The following FAM13B variants were observed in gnomAD, a reference collection of about 807,000 sequenced individuals.
The protein encoded by FAM13B is protein FAM13B.
Under a neutral mutation model 117.3 loss-of-function variants are expected in FAM13B, and 60 were observed. The ratio of observed to expected loss-of-function variants is 0.51; its 90% CI spans 0.42 to 0.63. FAM13B has a LOEUF of 0.63. Among genes scored for constraint, FAM13B ranks in the 30% least tolerant of loss-of-function variants. FAM13B has a pLI of 0.00. For synonymous variants in FAM13B, 332 were observed against 356.1 expected, an observed-to-expected ratio of 0.93 and a Z score of 0.76; for missense variants, 972 against 1,091.9, an observed-to-expected ratio of 0.89 and a Z score of 1.55.
intron 16 of FAM13B, 125 bp downstream of exon 16, chr5:137,953,211 C>T: frequency 9.7e-7 from 1 of 1,031,570 alleles, no homozygotes. Context: ...TACATGATCA[C>T]TGTTCCTCCG....
chr5:138,005,266 C>T (rs905898572), intron 7 of FAM13B, among the ~76,000 whole-genome samples: 1 of 152,058 alleles, frequency 6.6e-6, no homozygotes, highest in Non-Finnish European at 1.5e-5. Context: ...AATTAATTAA[C>T]AAAATTTAAA....
At chr5:137,953,901 A>G (rs76873180) in intron 15 of FAM13B, among the ~76,000 whole-genome samples, 1,802 of 152,316 alleles carry the variant, frequency 0.012, 29 homozygotes, top group South Asian at 0.067. Flanking sequence ...CCACGAGAAA[A>G]TGTCTATTTG....
At chr5:137,942,318 G>A (rs965150856) in intron 22 of FAM13B, 4 of 408,574 alleles carry the variant, frequency 9.8e-6, no homozygotes, top group South Asian at 9.6e-5. Flanking sequence ...AGATCAACTC[G>A]CAACTAGTTC....
intron 11 of FAM13B, among the ~76,000 whole-genome samples, chr5:137,960,624 T>A (rs1245862848): frequency 6.6e-6 from 1 of 152,192 alleles, no homozygotes; most frequent in Non-Finnish European, 1.5e-5. Context: ...GAAAACTTTT[T>A]AAAAAGGTAT....
rs964580801 is a variant in FAM13B, at chr5:138,032,961, C to A, written c.-382G>T. ...GGCGCGGGGCCAGCCCGGTAAGCGA[C>A]CCCCCGGATACCCCCGGCGGTGGTG... On this transcript the variant is annotated 5_prime_UTR_variant, in exon 1 of 24. Coordinates refer to ENST00000689681, the MANE Select transcript of FAM13B (RefSeq NM_001385994.1). The A allele has an allele frequency of 1.1e-5, 11 of 986,170 alleles. No homozygotes were observed. In the Admixed American group the frequency reaches 2.5e-4, roughly 22 times the overall value. 61.1% of individuals were successfully genotyped at this position (986,170 alleles called of 1,614,324 possible).
chr5:137,954,187 G>T lies in FAM13B; in HGVS notation c.1697C>A (p.Ser566Tyr), dbSNP rs1324602761. ...LHDPEKLDSS[S>Y]KALSFTRIRR... ...ATACCTAGTAAAAGACAGTGCTTTA[G>T]ATGAGGAATCCAACTTTTCTGGATC... is the stretch of plus-strand genomic sequence containing the variant. Residue 566 changes from serine to tyrosine, a missense_variant, in exon 15 of 24, where the codon TCT becomes TAT. Coordinates refer to ENST00000689681, the MANE Select transcript of FAM13B (RefSeq NM_001385994.1). 1 of 1,613,744 alleles carries T rather than the reference G, an allele frequency of 6.2e-7. No individual in the cohort carries two copies. The highest frequency in any genetic ancestry group is 1.7e-5 in the Admixed American group (1 of 59,984).
intron 22 of FAM13B, 61 bp from the exon 23 acceptor site, chr5:137,942,106 G>T (rs1762025277): frequency 1.4e-6 from 2 of 1,392,170 alleles, no homozygotes; most frequent in African/African-American, 1.4e-5. Context: ...CTTAAGAGAG[G>T]TTCTATTTCT....
intron 17 of FAM13B, 143 bp from the exon 18 acceptor site, chr5:137,949,327 A>C (rs1190738078): frequency 1.6e-5 from 11 of 684,566 alleles, no homozygotes; most frequent in Non-Finnish European, 2.7e-5. Context: ...AACATTTAAG[A>C]AGCAAAAAAC....
intron 17 of FAM13B, among the ~76,000 whole-genome samples, chr5:137,951,860 C>T (rs1561739280): frequency 6.6e-6 from 1 of 151,702 alleles, no homozygotes; most frequent in Non-Finnish European, 1.5e-5. Flanking sequence ...ACCTGTAATC[C>T]CAGCTACTCG....
intron 12 of FAM13B, 36 bp from the exon 13 acceptor site, chr5:137,959,799 C>T (rs370883495): frequency 3.7e-5 from 59 of 1,602,278 alleles, no homozygotes; most frequent in Admixed American, 1.0e-4. Context: ...TTCACAACTA[C>T]GGAAGCTTTT....
At chr5:137,962,291 G>A (rs1484621964) in intron 11 of FAM13B, 114 bp downstream of exon 11, 2 of 798,994 alleles carry the variant, frequency 2.5e-6, no homozygotes, top group Non-Finnish European at 4.0e-6. Flanking sequence ...GGCTGTTTAA[G>A]ATTATCTAAA....
chr5:137,940,475 A>C (rs1253057509), intron 23 of FAM13B, 127 bp from the exon 24 acceptor site: 1 of 658,598 alleles, frequency 1.5e-6, no homozygotes, highest in Non-Finnish European at 2.5e-6. Flanking sequence ...CTGTTAAAAA[A>C]AAAAAAAAAG....
intron 7 of FAM13B, among the ~76,000 whole-genome samples, chr5:137,990,060 G>C (rs1778227939): frequency 6.6e-6 from 1 of 152,052 alleles, no homozygotes; most frequent in African/African-American, 2.4e-5. Context: ...ACATGAACTA[G>C]GATATTAAAT....
chr5:137,996,518 G>A (rs1018195344), intron 7 of FAM13B, among the ~76,000 whole-genome samples: 2 of 151,924 alleles, frequency 1.3e-5, no homozygotes, highest in African/African-American at 2.4e-5. Context: ...ATCTAAAATT[G>A]AACCATCAGA....
intron 1 of FAM13B, among the ~76,000 whole-genome samples, chr5:138,022,012 G>A (rs1786855436): frequency 6.6e-6 from 1 of 151,856 alleles, no homozygotes; most frequent in Non-Finnish European, 1.5e-5. Flanking sequence ...TACTTGGAAG[G>A]CTGAGGCAGG....
Position 137,940,108 on chromosome 5 carries a change from C to T in FAM13B, c.*117G>A. 1 of 1,614,086 alleles carries T rather than the reference C, an allele frequency of 6.2e-7. No individual in the cohort carries two copies. Among genetic ancestry groups the T allele is most frequent in the Non-Finnish European group, 8.5e-7 (1 of 1,179,982 alleles). ...TGTTTAGTGGCACCACAACCAAGTA[C>T]AAAATGAGATTCTCTGAGTGCCTGA... On this transcript the variant is annotated 3_prime_UTR_variant, in exon 24 of 24. Transcript: ENST00000689681.
chr5:138,028,046 CAA>C (rs1788904679), intron 1 of FAM13B, among the ~76,000 whole-genome samples: 1 of 152,170 alleles, frequency 6.6e-6, no homozygotes, highest in African/African-American at 2.4e-5. Flanking sequence ...TGGACTAACA[CAA>C]TCAGGAAAAC....
At chr5:138,024,812 C>CAGAG (rs4033316) in intron 1 of FAM13B, among the ~76,000 whole-genome samples, 2 of 144,282 alleles carry the variant, frequency 1.4e-5, no homozygotes, top group African/African-American at 5.1e-5. Context: ...CACACACACA[C>CAGAG]AGAGAGAGAG....
chr5:137,949,597 T>A (rs898397196), intron 17 of FAM13B, among the ~76,000 whole-genome samples: 2 of 152,144 alleles, frequency 1.3e-5, no homozygotes, highest in African/African-American at 4.8e-5. Context: ...CTGGTCCACA[T>A]GGCAAAACCC....
Sources: allele counts gnomAD v4.1 joint callset (sites outside exome capture counted in the v4.1 genomes callset), GRCh38; gene constraint gnomAD v4.1.1; transcripts MANE v1.5; gene names NCBI Gene and HGNC (gene_info 2026-07-23, HGNC 2026-07-21).